DCLK1: variants seen among roughly 807,000 people sequenced by gnomAD.
DCLK1 encodes doublecortin like kinase 1, also known as serine/threonine-protein kinase DCLK1.
DCLK1 carries 16 observed loss-of-function variants against 86.2 expected under a neutral mutation model. The ratio of observed to expected loss-of-function variants is 0.19; its 90% CI spans 0.13 to 0.28. The LOEUF (loss-of-function observed/expected upper bound fraction) is 0.28, where lower values mean the gene tolerates loss of function less well. Among genes scored for constraint, DCLK1 ranks in the 10% least tolerant of loss-of-function variants. DCLK1 has a pLI of 1.00. For synonymous variants in DCLK1, 369 were observed against 370.5 expected, an observed-to-expected ratio of 1.00 and a Z score of 0.05; for missense variants, 590 against 940.2, an observed-to-expected ratio of 0.63 and a Z score of 4.87.
chr13:36,110,869 C>A (rs1425894227), intron 3 of DCLK1, among the ~76,000 whole-genome samples: 1 of 126,070 alleles, frequency 7.9e-6, no homozygotes, highest in African/African-American at 3.0e-5. Context: ...CTTGTTCTGT[C>A]ACCCAGGCTG....
At chr13:35,776,003 C>T (rs1320974307) in intron 16 of DCLK1, among the ~76,000 whole-genome samples, 1 of 152,170 alleles carries the variant, frequency 6.6e-6, no homozygotes, top group Non-Finnish European at 1.5e-5. Flanking sequence ...AAACTATCCA[C>T]ACACTGAATG....
At chr13:36,085,239 A>G (rs1884550815) in intron 3 of DCLK1, among the ~76,000 whole-genome samples, 1 of 152,200 alleles carries the variant, frequency 6.6e-6, no homozygotes, top group Admixed American at 6.5e-5. Context: ...TATATTTAAA[A>G]TACATTTATG....
intron 4 of DCLK1, among the ~76,000 whole-genome samples, chr13:35,911,979 C>T (rs1404065748): frequency 3.3e-5 from 5 of 152,266 alleles, no homozygotes; most frequent in Admixed American, 2.0e-4. Flanking sequence ...CTCATCTCTC[C>T]AACCATGCTT....
intron 3 of DCLK1, among the ~76,000 whole-genome samples, chr13:36,062,085 T>G (rs1010204782): frequency 1.3e-5 from 2 of 152,208 alleles, no homozygotes; most frequent in Non-Finnish European, 2.9e-5. Context: ...TTTTAAAATG[T>G]CACCCTTGTG....
Position 35,839,183 on chromosome 13 carries a change from G to C in DCLK1, c.1036-7C>G. The C allele has an allele frequency of 6.4e-7, 1 of 1,571,438 alleles. No homozygotes were observed. Among genetic ancestry groups the C allele is most frequent in the Non-Finnish European group, 8.6e-7 (1 of 1,157,608 alleles). ...AGCCGCCATGCTGAGAGCTCTGTAG[G>C]GGAACAGAAACCGGTAATTCAAAAA... On this transcript the variant is annotated splice_polypyrimidine_tract_variant and splice_region_variant and intron_variant, in intron 6 of 16. Transcript: ENST00000360631.
At chr13:35,840,326 T>C (rs1869702283) in intron 6 of DCLK1, among the ~76,000 whole-genome samples, 1 of 152,198 alleles carries the variant, frequency 6.6e-6, no homozygotes, top group African/African-American at 2.4e-5. Flanking sequence ...TCAAAGATTT[T>C]AGTTTTCATT....
At chr13:35,991,758 A>G (rs1880241352) in intron 3 of DCLK1, among the ~76,000 whole-genome samples, 1 of 152,180 alleles carries the variant, frequency 6.6e-6, no homozygotes, top group South Asian at 2.1e-4. Flanking sequence ...TGAACCTAGG[A>G]TGGAAGAGGA....
In DCLK1 at chr13:35,918,363, G is replaced by A. The variant is rs140258108; in HGVS notation, c.823+28995C>T. Among the ~76,000 whole-genome samples the A allele has an allele frequency of 8.1e-4, 124 of 152,280 alleles. 1 individual carries two copies. In the East Asian group the frequency reaches 0.023, roughly 28 times the overall value. On this transcript the variant is annotated intron_variant, in intron 4 of 16. Coordinates refer to ENST00000360631, the MANE Select transcript of DCLK1 (RefSeq NM_001330071.2). ...TGTGAGGTTGTGTGGATTCAAACCC[G>A]AAACGTGGAGGAGTGGGGAGTTATG...
intron 5 of DCLK1, among the ~76,000 whole-genome samples, chr13:35,863,332 A>C (rs1310025706): frequency 6.6e-6 from 1 of 152,196 alleles, no homozygotes; most frequent in Non-Finnish European, 1.5e-5. Flanking sequence ...CTTGGGACCT[A>C]ATGCATGTCT....
chr13:35,807,081 A>G (rs529489758), intron 14 of DCLK1, among the ~76,000 whole-genome samples: 1 of 152,366 alleles, frequency 6.6e-6, no homozygotes, highest in South Asian at 2.1e-4. Context: ...CAAATTTTTA[A>G]ACATTTAAGT....
intron 3 of DCLK1, among the ~76,000 whole-genome samples, chr13:36,024,861 A>C (rs1445184861): frequency 1.3e-5 from 2 of 152,228 alleles, no homozygotes; most frequent in Admixed American, 1.3e-4. Flanking sequence ...CAATCAAGAC[A>C]GTATGATACA....
chr13:35,938,318 G>T (rs2153130995), intron 4 of DCLK1, among the ~76,000 whole-genome samples: 1 of 152,058 alleles, frequency 6.6e-6, no homozygotes, highest in Non-Finnish European at 1.5e-5. Flanking sequence ...CATTAATTTG[G>T]GCTCAATAAC....
At chr13:35,807,689 C>G (rs969777332) in intron 14 of DCLK1, among the ~76,000 whole-genome samples, 1 of 152,226 alleles carries the variant, frequency 6.6e-6, no homozygotes, top group Admixed American at 6.5e-5. Flanking sequence ...GACATGCCTA[C>G]TTATTTATAT....
chr13:35,973,527 G>T (rs1258333118), intron 3 of DCLK1, among the ~76,000 whole-genome samples: 2 of 152,182 alleles, frequency 1.3e-5, no homozygotes, highest in African/African-American at 4.8e-5. Context: ...ATATTACAAT[G>T]ATCTGTTTTC....
chr13:36,022,745 A>C (rs944399977), intron 3 of DCLK1, among the ~76,000 whole-genome samples: 1 of 152,160 alleles, frequency 6.6e-6, no homozygotes, highest in Non-Finnish European at 1.5e-5. Context: ...ATAAGTAAAG[A>C]GAATAAGTTA....
At chr13:36,128,352 T>C (rs1317659897) in intron 1 of DCLK1, among the ~76,000 whole-genome samples, 13 of 152,174 alleles carry the variant, frequency 8.5e-5, no homozygotes, top group Non-Finnish European at 1.6e-4. Flanking sequence ...AAATTATAAC[T>C]GAGGGGTTGA....
chr13:35,937,026 G>A (rs1876799241), intron 4 of DCLK1, among the ~76,000 whole-genome samples: 1 of 142,108 alleles, frequency 7.0e-6, no homozygotes, highest in Admixed American at 7.3e-5. Context: ...CTGGAATGCA[G>A]TGGCGCGATC....
At chr13:35,809,282 A>G (rs1323907687) in intron 12 of DCLK1, among the ~76,000 whole-genome samples, 187 bp from the exon 13 acceptor site, 1 of 152,210 alleles carries the variant, frequency 6.6e-6, no homozygotes, top group Non-Finnish European at 1.5e-5. Context: ...AAAAAATAAT[A>G]ATTTTAAAAA....
At chr13:35,976,036 C>T (rs1879311759) in intron 3 of DCLK1, among the ~76,000 whole-genome samples, 1 of 152,174 alleles carries the variant, frequency 6.6e-6, no homozygotes, top group Non-Finnish European at 1.5e-5. Context: ...CAGAGGGGAG[C>T]CAGTCCTCTA....
Sources: gnomAD v4.1 joint callset for allele counts (sites outside exome capture counted in the v4.1 genomes callset) on GRCh38, gnomAD v4.1.1 for gene constraint, MANE v1.5 for transcripts, NCBI Gene and HGNC (gene_info 2026-07-23, HGNC 2026-07-21) for gene names.